NRG3: variants seen among roughly 807,000 people sequenced by gnomAD.
NRG3 encodes neuregulin 3.
Under a neutral mutation model 66.9 loss-of-function variants are expected in NRG3, and 31 were observed. The observed-to-expected ratio is 0.46, with a 90% CI of 0.35 to 0.63. NRG3 has a LOEUF of 0.63. NRG3 is among the 20% of genes least tolerant of loss of function. NRG3 has a pLI of 0.00. For missense variants in NRG3, 910 were observed against 878.9 expected, an observed-to-expected ratio of 1.04 and a Z score of -0.45; for synonymous variants, 393 against 359.4, an observed-to-expected ratio of 1.09 and a Z score of -1.06.
At chr10:82,074,405 T>G (rs1464947784) in intron 1 of NRG3, among the ~76,000 whole-genome samples, 1 of 152,178 alleles carries the variant, frequency 6.6e-6, no homozygotes, top group African/African-American at 2.4e-5. Flanking sequence ...CAGAACTCAT[T>G]GGATTGTTTT....
chr10:82,256,457 A>G (rs2077732965), intron 1 of NRG3, among the ~76,000 whole-genome samples: 1 of 152,094 alleles, frequency 6.6e-6, no homozygotes, highest in Non-Finnish European at 1.5e-5. Flanking sequence ...TTCAGGTGTC[A>G]CGCTGGATGT....
intron 2 of NRG3, among the ~76,000 whole-genome samples, chr10:82,489,608 A>C (rs1842939417): frequency 6.6e-6 from 1 of 152,232 alleles, no homozygotes; most frequent in East Asian, 1.9e-4. Context: ...GGATTCATTC[A>C]TCAAAGAGCA....
chr10:82,342,561 A>G (rs1270624244), intron 1 of NRG3, among the ~76,000 whole-genome samples: 2 of 152,014 alleles, frequency 1.3e-5, no homozygotes, highest in Non-Finnish European at 2.9e-5. Context: ...GGTTGCTTGT[A>G]TGTTTTCTTT....
chr10:82,205,683 T>C (rs1215402427), intron 1 of NRG3, among the ~76,000 whole-genome samples: 1 of 152,144 alleles, frequency 6.6e-6, no homozygotes, highest in East Asian at 1.9e-4. Context: ...CATTGAAGGC[T>C]GTACAGCCAC....
intron 1 of NRG3, among the ~76,000 whole-genome samples, chr10:81,935,173 T>C (rs1202042402): frequency 6.6e-6 from 1 of 152,198 alleles, no homozygotes; most frequent in Non-Finnish European, 1.5e-5. Flanking sequence ...CAGATAAATA[T>C]GGAATTCGCT....
chr10:82,857,234 C>A (rs1213515594), intron 3 of NRG3, among the ~76,000 whole-genome samples: 1 of 152,188 alleles, frequency 6.6e-6, no homozygotes, highest in Non-Finnish European at 1.5e-5. Flanking sequence ...TGGCTGCCTG[C>A]TTCTCCCCAT....
At chr10:82,906,314 A>G (rs369623465) in intron 4 of NRG3, among the ~76,000 whole-genome samples, 1 of 152,174 alleles carries the variant, frequency 6.6e-6, no homozygotes, top group Non-Finnish European at 1.5e-5. Context: ...ATCATAATTT[A>G]TACTACTTTT....
At chr10:82,948,404 A>C (rs1849220072) in intron 4 of NRG3, among the ~76,000 whole-genome samples, 1 of 152,106 alleles carries the variant, frequency 6.6e-6, no homozygotes, top group Non-Finnish European at 1.5e-5. Context: ...GCTACTGTAG[A>C]TCTTTTGTAT....
chr10:82,139,093 T>A (rs2069582602), intron 1 of NRG3, among the ~76,000 whole-genome samples: 1 of 152,246 alleles, frequency 6.6e-6, no homozygotes, highest in East Asian at 1.9e-4. Context: ...ATGAACTCTG[T>A]ATCATGATAA....
At chr10:82,557,405 T>C (rs1249747327) in intron 2 of NRG3, among the ~76,000 whole-genome samples, 1 of 152,214 alleles carries the variant, frequency 6.6e-6, no homozygotes, top group Non-Finnish European at 1.5e-5. Context: ...GAGCTTTTTT[T>C]TCATATGCTT....
intron 2 of NRG3, among the ~76,000 whole-genome samples, chr10:82,548,100 C>A (rs1448578601): frequency 3.4e-5 from 5 of 149,012 alleles, no homozygotes; most frequent in African/African-American, 1.2e-4. Context: ...TAAAACCACA[C>A]CCAGTAAGAT....
intron 2 of NRG3, among the ~76,000 whole-genome samples, chr10:82,454,387 T>A (rs1047743346): frequency 6.6e-6 from 1 of 152,074 alleles, no homozygotes; most frequent in Non-Finnish European, 1.5e-5. Flanking sequence ...TAGAACAGGA[T>A]ATAAAAGAAT....
At chr10:82,229,793 G>C (rs1449321836) in intron 1 of NRG3, among the ~76,000 whole-genome samples, 1 of 152,194 alleles carries the variant, frequency 6.6e-6, no homozygotes, top group Non-Finnish European at 1.5e-5. Flanking sequence ...GATTTTAGTT[G>C]AGGACACAGG....
chr10:81,894,176 A>G (rs1843295053), intron 1 of NRG3, among the ~76,000 whole-genome samples: 1 of 152,068 alleles, frequency 6.6e-6, no homozygotes, highest in South Asian at 2.1e-4. Context: ...TCCCGTCTCC[A>G]CTAAAAATAC....
intron 2 of NRG3, among the ~76,000 whole-genome samples, chr10:82,550,802 T>C (rs1281440321): frequency 2.6e-5 from 4 of 152,150 alleles, no homozygotes; most frequent in Non-Finnish European, 5.9e-5. Context: ...GTTGCAGGGC[T>C]AACATTCTAG....
At chr10:82,952,136 A>G (rs1034687681) in intron 5 of NRG3, among the ~76,000 whole-genome samples, 1 of 152,126 alleles carries the variant, frequency 6.6e-6, no homozygotes, top group Non-Finnish European at 1.5e-5. Flanking sequence ...TTTATGTTTG[A>G]CTAGAAATAG....
intron 1 of NRG3, among the ~76,000 whole-genome samples, chr10:81,945,314 C>A (rs1046712083): frequency 7.2e-5 from 11 of 151,760 alleles, no homozygotes; most frequent in Admixed American, 5.3e-4. Flanking sequence ...CTTCTTTCTC[C>A]TTCCTCCTCT....
intron 2 of NRG3, among the ~76,000 whole-genome samples, chr10:82,375,102 G>C (rs996158593): frequency 6.6e-6 from 1 of 152,204 alleles, no homozygotes; most frequent in African/African-American, 2.4e-5. Flanking sequence ...TTCCCAAACA[G>C]TAGAACTTTT....
intron 1 of NRG3, among the ~76,000 whole-genome samples, chr10:82,076,411 A>T (rs1469424955): frequency 6.6e-6 from 1 of 152,142 alleles, no homozygotes; most frequent in Non-Finnish European, 1.5e-5. Context: ...TTCTCCTTGG[A>T]TGATTACTTT....
Sources: allele counts gnomAD v4.1 joint callset (sites outside exome capture counted in the v4.1 genomes callset), GRCh38; gene constraint gnomAD v4.1.1; transcripts MANE v1.5; gene names NCBI Gene and HGNC (gene_info 2026-07-23, HGNC 2026-07-21).